CACNA1A: variants seen among roughly 807,000 people sequenced by gnomAD.
CACNA1A encodes the protein calcium voltage-gated channel subunit alpha1 A.
In CACNA1A, 57 loss-of-function variants were observed where a neutral mutation model predicts 262.4. The observed-to-expected ratio is 0.22, with a 90% CI of 0.18 to 0.27. The LOEUF (loss-of-function observed/expected upper bound fraction) is 0.27, where lower values mean the gene tolerates loss of function less well. CACNA1A is among the 10% of genes least tolerant of loss of function. The probability of loss-of-function intolerance (pLI) is 1.00; values close to 1 mark genes in which losing one functional copy is unlikely to be tolerated. For missense variants in CACNA1A, 2,526 were observed against 3,562.8 expected, an observed-to-expected ratio of 0.71 and a Z score of 7.41; for synonymous variants, 1,431 against 1,419.3, an observed-to-expected ratio of 1.01 and a Z score of -0.18.
intron 24 of CACNA1A, 131 bp downstream of exon 24, chr19:13,275,719 A>G (rs1386656282): frequency 1.4e-6 from 1 of 698,378 alleles, no homozygotes; most frequent in African/African-American, 1.8e-5. Flanking sequence ...TGGCATGCTG[A>G]TATCTCCCAC....
intron 31 of CACNA1A, among the ~76,000 whole-genome samples, chr19:13,243,357 T>C (rs2056132556): frequency 6.6e-6 from 1 of 152,132 alleles, no homozygotes; most frequent in Non-Finnish European, 1.5e-5. Flanking sequence ...TATCAAAGAA[T>C]GGCCCCCTCT....
chr19:13,467,320 TA>T (rs869171250), intron 1 of CACNA1A, among the ~76,000 whole-genome samples: 1 of 151,784 alleles, frequency 6.6e-6, no homozygotes, highest in Non-Finnish European at 1.5e-5. Context: ...AACCTTTTTT[TA>T]AAAAAAGGGG....
At chr19:13,360,265 GTA>G (rs34849471) in intron 5 of CACNA1A, among the ~76,000 whole-genome samples, 66,614 of 123,846 alleles carry the variant, frequency 0.54, 16,432 homozygotes, top group Admixed American at 0.58. Flanking sequence ...GTGTGTGTGT[GTA>G]TATATATATA....
Position 13,455,147 on chromosome 19 carries a change from T to C in CACNA1A, c.359A>G (p.His120Arg). The stretch of plus-strand genomic sequence containing the variant: ...CGGGGTCTTGTCATCATCAGGCAGA[T>C]GCTGCTCCAGTGCGAGGACGATGCA... ...ANCIVLALEQ[H>R]LPDDDKTPMS... Residue 120 changes from histidine to arginine, a missense_variant, in exon 2 of 47, where the codon CAT becomes CGT. By Grantham distance (29) the His-to-Arg change is conservative. Coordinates refer to ENST00000360228, the MANE Select transcript of CACNA1A (RefSeq NM_001127222.2). 1 of 1,612,828 alleles carries C rather than the reference T, an allele frequency of 6.2e-7. No homozygotes were observed. The highest frequency in any genetic ancestry group is 1.3e-5 in the African/African-American group (1 of 75,016).
intron 1 of CACNA1A, among the ~76,000 whole-genome samples, chr19:13,455,715 T>C (rs138505862): frequency 2.6e-3 from 396 of 151,818 alleles, no homozygotes; most frequent in African/African-American, 9.1e-3. Flanking sequence ...ATTTCAAATA[T>C]GGTGGCAGGG....
intron 34 of CACNA1A, among the ~76,000 whole-genome samples, chr19:13,232,152 T>TTTTCTTTTCCTTCTCTCTCTC (rs2055685857): frequency 1.3e-5 from 2 of 152,190 alleles, no homozygotes; most frequent in East Asian, 1.9e-4. Context: ...TGTTTTTTTC[T>TTTTCTTTTCCTTCTCTCTCTC]TTTCTTTTCC....
chr19:13,285,487 C>T (rs958649374), intron 20 of CACNA1A, among the ~76,000 whole-genome samples: 3 of 152,044 alleles, frequency 2.0e-5, no homozygotes, highest in Admixed American at 6.5e-5. Flanking sequence ...GGAACCCAGG[C>T]GGCCTGGCCC....
Position 13,349,027 on chromosome 19 carries a change from A to AAAAGAGAG in CACNA1A, c.978+10578_978+10579insCTCTCTTT, listed in dbSNP as rs541410353. 4.0e-3 allele frequency among the ~76,000 whole-genome samples: 549 copies of AAAAGAGAG among 137,518 alleles called. 7 individuals carry two copies. The highest frequency in any genetic ancestry group is 6.7e-3 in the African/African-American group (217 of 32,226). The allele number at this position is 137,518 out of a possible 152,430, so 90.2% of individuals were successfully genotyped here. On this transcript the variant is annotated intron_variant, in intron 6 of 46. Transcript: ENST00000360228. ...TGTCTCAAAAAAAAAAAAAAAAAAA[A>AAAAGAGAG]AGAGAGACAAAGAGAGAGAGGGAAA...
At chr19:13,427,139 A>G (rs1184026475) in intron 3 of CACNA1A, among the ~76,000 whole-genome samples, 7 of 152,100 alleles carry the variant, frequency 4.6e-5, no homozygotes, top group Non-Finnish European at 8.8e-5. Context: ...GGAAAATGGA[A>G]GAAATGCACC....
chr19:13,477,107 T>A (rs954186629), intron 1 of CACNA1A, among the ~76,000 whole-genome samples: 2 of 152,222 alleles, frequency 1.3e-5, no homozygotes, highest in African/African-American at 2.4e-5. Context: ...TTCAGCCACA[T>A]CTGCCTCCTC....
chr19:13,419,630 T>C (rs1343235904), intron 3 of CACNA1A, among the ~76,000 whole-genome samples: 5 of 152,118 alleles, frequency 3.3e-5, no homozygotes, highest in East Asian at 1.9e-4. Flanking sequence ...TGAGCTGTTA[T>C]CAGGCCACTG....
chr19:13,323,589 G>C (rs2058299104), intron 10 of CACNA1A, among the ~76,000 whole-genome samples: 1 of 152,148 alleles, frequency 6.6e-6, no homozygotes. Flanking sequence ...AGCCTCCCGA[G>C]TAGCTGTCTT....
chr19:13,217,248 GAC>G (rs1232768470), intron 38 of CACNA1A, among the ~76,000 whole-genome samples: 1 of 141,654 alleles, frequency 7.1e-6, no homozygotes, highest in Non-Finnish European at 1.6e-5. Context: ...GAGAGAGAGA[GAC>G]AGAGACAGAG....
At chr19:13,463,281 G>A (rs1242573139) in intron 1 of CACNA1A, among the ~76,000 whole-genome samples, 2 of 152,164 alleles carry the variant, frequency 1.3e-5, no homozygotes, top group Middle Eastern at 3.4e-3. Flanking sequence ...GCTAGTCCAC[G>A]CCCTCATAAG....
chr19:13,471,748 T>C (rs1257761792), intron 1 of CACNA1A, among the ~76,000 whole-genome samples: 2 of 151,834 alleles, frequency 1.3e-5, no homozygotes, highest in African/African-American at 4.8e-5. Flanking sequence ...GAAAACAAAT[T>C]TGTAGTTACC....
In CACNA1A at chr19:13,359,675, GT is replaced by G; in HGVS notation, c.908del (p.Asn303ThrfsTer7). ...GPNNGITQFD[N>X]ILFAVLTVFQ... The stretch of plus-strand genomic sequence containing the variant: ...AAACAGTCAGCACTGCAAACAGGAT[GT>G]TGTCGAACTGAGTGATCCCGTTGTT... On this transcript the variant is annotated frameshift_variant, in exon 6 of 47. Transcript: ENST00000360228. LOFTEE classifies it high-confidence loss of function. 6.2e-7 allele frequency: 1 copy of G among 1,608,740 alleles called. No homozygotes were observed. Among genetic ancestry groups the G allele is most frequent in the Non-Finnish European group, 8.5e-7 (1 of 1,177,538 alleles).
chr19:13,317,363 C>T (rs1180561655), intron 10 of CACNA1A, 42 bp from the exon 11 acceptor site: 2 of 1,521,254 alleles, frequency 1.3e-6, no homozygotes. Context: ...CAGGCTGTTC[C>T]TTCAGAAGAA....
At chr19:13,390,696 T>C (rs754169990) in intron 3 of CACNA1A, among the ~76,000 whole-genome samples, 2 of 152,186 alleles carry the variant, frequency 1.3e-5, no homozygotes, top group African/African-American at 2.4e-5. Flanking sequence ...TACCATGTGC[T>C]AATTCCTATT....
At position 13,245,249 on chromosome 19, in the gene CACNA1A, G is replaced by A; in HGVS notation, c.4883C>T (p.Ala1628Val). 6.2e-7 allele frequency: 1 copy of A among 1,613,866 alleles called. No individual in the cohort carries two copies. The highest frequency in any genetic ancestry group is 1.1e-5 in the South Asian group (1 of 91,076). The change falls in exon 31 of 47, where the codon GCC (alanine) becomes GTC (valine). Residue 1628 changes from alanine to valine, a missense_variant. By Grantham distance (64) the Ala-to-Val change is moderately conservative. Coordinates refer to ENST00000360228, the MANE Select transcript of CACNA1A (RefSeq NM_001127222.2). ...AFGILNYFRD[A>V]WNIFDFVTVL... ...AGTCACAAAGTCGAAGATGTTCCAG[G>A]CATCGCGGAAATAATTCTAGAATGG...
Sources: gnomAD v4.1 joint callset for allele counts (sites outside exome capture counted in the v4.1 genomes callset) on GRCh38, gnomAD v4.1.1 for gene constraint, MANE v1.5 for transcripts, NCBI Gene and HGNC (gene_info 2026-07-23, HGNC 2026-07-21) for gene names.